CSMD1: variants seen among roughly 807,000 people sequenced by gnomAD.
CSMD1 encodes the protein CUB and sushi domain-containing protein 1.
CSMD1 carries 213 observed loss-of-function variants against 417.5 expected under a neutral mutation model. That is an observed-to-expected ratio of 0.51 (90% CI 0.46 to 0.57). The LOEUF is 0.57. CSMD1 is among the 20% of genes least tolerant of loss of function. CSMD1 has a pLI of 0.00. For missense variants in CSMD1, 6,923 were observed against 4,529.7 expected (o/e 1.53, Z -15.17); for synonymous variants, 2,862 against 1,736.8 (o/e 1.65, Z -16.11).
chr8:4,581,935 C>A (rs1469187031), intron 2 of CSMD1, among the ~76,000 whole-genome samples: 2 of 151,428 alleles, frequency 1.3e-5, no homozygotes, highest in African/African-American at 4.8e-5. Context: ...ACAGTCAGGT[C>A]AAAGAAAGAG....
chr8:3,690,697 A>T (rs1052215981), intron 7 of CSMD1, among the ~76,000 whole-genome samples: 1 of 152,178 alleles, frequency 6.6e-6, no homozygotes, highest in African/African-American at 2.4e-5. Context: ...AGAAGTACAT[A>T]AAGCGCATAG....
At chr8:4,190,925 A>G (rs1342516289) in intron 3 of CSMD1, among the ~76,000 whole-genome samples, 1 of 144,964 alleles carries the variant, frequency 6.9e-6, no homozygotes, top group African/African-American at 2.5e-5. Flanking sequence ...ACATAGGTGA[A>G]CGACACAAAC....
chr8:4,866,297 T>G (rs1271928884), intron 1 of CSMD1, among the ~76,000 whole-genome samples: 1 of 151,990 alleles, frequency 6.6e-6, no homozygotes, highest in Non-Finnish European at 1.5e-5. Flanking sequence ...GCAAATATTT[T>G]ATTATCTAGT....
At chr8:4,632,806 T>G (rs115999564) in intron 2 of CSMD1, among the ~76,000 whole-genome samples, 2,611 of 152,152 alleles carry the variant, frequency 0.017, 45 homozygotes, top group African/African-American at 0.047. Context: ...ATAAATATAA[T>G]GTGCACTGCG....
chr8:4,194,275 G>A (rs1343271916), intron 3 of CSMD1, among the ~76,000 whole-genome samples: 1 of 152,120 alleles, frequency 6.6e-6, no homozygotes, highest in African/African-American at 2.4e-5. Flanking sequence ...AAATTATAAT[G>A]AAGGAATAAT....
chr8:4,119,428 A>T lies in CSMD1; in HGVS notation c.416-87329T>A, dbSNP rs1459980591. Among the ~76,000 whole-genome samples the T allele has an allele frequency of 2.0e-5, 3 of 152,274 alleles. No homozygotes were observed. The East Asian group carries it at 5.8e-4, about 29-fold the overall frequency. ...CAGTTAGAAATCAAGTCACAGGATG[A>T]TATTGATGTGTCATGGACTGAATAT... On this transcript the variant is annotated intron_variant, in intron 3 of 69. Transcript: ENST00000635120.
chr8:4,987,434 C>T (rs1811236559), intron 1 of CSMD1, among the ~76,000 whole-genome samples: 1 of 152,114 alleles, frequency 6.6e-6, no homozygotes, highest in Admixed American at 6.6e-5. Context: ...TGCTTTAATT[C>T]CATCGGGGTT....
chr8:4,186,557 A>G (rs1389515312), intron 3 of CSMD1, among the ~76,000 whole-genome samples: 3 of 152,200 alleles, frequency 2.0e-5, no homozygotes, highest in Non-Finnish European at 4.4e-5. Flanking sequence ...AATATAAAAG[A>G]CGAAATAATA....
At chr8:3,963,488 T>C (rs945871470) in intron 5 of CSMD1, among the ~76,000 whole-genome samples, 3 of 152,170 alleles carry the variant, frequency 2.0e-5, no homozygotes, top group African/African-American at 4.8e-5. Flanking sequence ...CATTATGCAA[T>C]AGAAGTACCT....
At chr8:4,758,803 T>A (rs1056138168) in intron 1 of CSMD1, among the ~76,000 whole-genome samples, 1 of 152,124 alleles carries the variant, frequency 6.6e-6, no homozygotes, top group African/African-American at 2.4e-5. Flanking sequence ...TGGGAGAACC[T>A]TCCCCCATAA....
intron 25 of CSMD1, among the ~76,000 whole-genome samples, chr8:3,307,416 GTT>G (rs5888959): frequency 1.3e-5 from 2 of 151,926 alleles, no homozygotes; most frequent in Non-Finnish European, 2.9e-5. Context: ...AAGTCATGAT[GTT>G]TTTTTTCAGC....
chr8:3,969,275 T>A (rs1428726531), intron 5 of CSMD1, among the ~76,000 whole-genome samples: 1 of 152,102 alleles, frequency 6.6e-6, no homozygotes, highest in African/African-American at 2.4e-5. Flanking sequence ...AAAGAGTGGC[T>A]GTAGCTGCAA....
chr8:3,565,053 C>T (rs538640493), intron 10 of CSMD1, among the ~76,000 whole-genome samples: 1 of 140,884 alleles, frequency 7.1e-6, no homozygotes, highest in South Asian at 2.4e-4. Flanking sequence ...CAAACCTGCA[C>T]ATCCTGCACA....
chr8:4,543,115 C>T (rs1232407988), intron 2 of CSMD1, among the ~76,000 whole-genome samples: 1 of 152,166 alleles, frequency 6.6e-6, no homozygotes, highest in Non-Finnish European at 1.5e-5. Context: ...ATTAGTGTGG[C>T]ACATTTATTA....
At chr8:3,748,901 G>C (rs1462958617) in intron 6 of CSMD1, among the ~76,000 whole-genome samples, 1 of 152,188 alleles carries the variant, frequency 6.6e-6, no homozygotes, top group Non-Finnish European at 1.5e-5. Context: ...CTTGATTTAT[G>C]AGATGAATGT....
In CSMD1 at chr8:3,839,823, C is replaced by A. The variant is rs185002409; in HGVS notation, c.819-85781G>T. 3.5e-3 allele frequency among the ~76,000 whole-genome samples: 530 copies of A among 151,748 alleles called. 2 individuals carry two copies. Among genetic ancestry groups the A allele is most frequent in the African/African-American group, 0.013 (520 of 41,400 alleles). On this transcript the variant is annotated intron_variant, in intron 5 of 69. Transcript: ENST00000635120. ...TGGCCAAACTAGAGACCAAAGTGCA[C>A]AGCTAAATGGAGGGAACATTATGGC...
At chr8:3,357,440 C>T (rs528394978) in intron 21 of CSMD1, among the ~76,000 whole-genome samples, 1 of 152,336 alleles carries the variant, frequency 6.6e-6, no homozygotes, top group South Asian at 2.1e-4. Context: ...TGGAAGGAGC[C>T]TGAAGCAGTG....
intron 8 of CSMD1, among the ~76,000 whole-genome samples, chr8:3,612,916 T>A (rs922076276): frequency 6.6e-6 from 1 of 151,730 alleles, no homozygotes; most frequent in Non-Finnish European, 1.5e-5. Context: ...AGGAAATAAA[T>A]TAATAAGAGG....
intron 7 of CSMD1, among the ~76,000 whole-genome samples, chr8:3,662,758 A>G (rs1382318962): frequency 2.0e-5 from 3 of 152,168 alleles, no homozygotes; most frequent in Non-Finnish European, 4.4e-5. Context: ...CAAACCCCGC[A>G]TGTTCTCACT....
Sources: gnomAD v4.1 joint callset for allele counts (sites outside exome capture counted in the v4.1 genomes callset) on GRCh38, gnomAD v4.1.1 for gene constraint, MANE v1.5 for transcripts, NCBI Gene and HGNC (gene_info 2026-07-23, HGNC 2026-07-21) for gene names.